Variants in PPP1R14C observed in about 807,000 individuals in gnomAD.
PPP1R14C encodes the protein protein phosphatase 1 regulatory subunit 14C.
In PPP1R14C, 16 loss-of-function variants were observed where a neutral mutation model predicts 20.4. The ratio of observed to expected loss-of-function variants is 0.78; its 90% CI spans 0.53 to 1.19. PPP1R14C has a LOEUF of 1.19. PPP1R14C is among the 50% of genes most tolerant of loss of function. The probability of loss-of-function intolerance (pLI) is 0.00; values close to 1 mark genes in which losing one functional copy is unlikely to be tolerated. For synonymous variants in PPP1R14C, 91 were observed against 91.0 expected, an observed-to-expected ratio of 1.00 and a Z score of 0.00; for missense variants, 211 against 220.1, an observed-to-expected ratio of 0.96 and a Z score of 0.26.
intron 1 of PPP1R14C, among the ~76,000 whole-genome samples, chr6:150,204,129 C>T (rs1777913129): frequency 1.3e-5 from 2 of 152,344 alleles, no homozygotes; most frequent in Non-Finnish European, 2.9e-5. Flanking sequence ...GGCCGCCTGG[C>T]CACTGTGTCC....
intron 3 of PPP1R14C, among the ~76,000 whole-genome samples, chr6:150,227,053 A>G (rs1778238532): frequency 6.6e-6 from 1 of 152,200 alleles, no homozygotes; most frequent in Admixed American, 6.5e-5. Context: ...AGCTTTGGTG[A>G]TGGCCATTGT....
rs115709880 is a variant in PPP1R14C at position 150,223,749 on chromosome 6, T to C, written c.423+6893T>C. Among the ~76,000 whole-genome samples the C allele has an allele frequency of 4.7e-3, 714 of 152,316 alleles. 3 individuals are homozygous for C. The highest frequency in any genetic ancestry group is 0.016 in the African/African-American group (664 of 41,580). On this transcript the variant is annotated intron_variant, in intron 3 of 3. Coordinates refer to ENST00000361131, the MANE Select transcript of PPP1R14C (RefSeq NM_030949.3). ...AGGGTTCTTTGAATATTTTGGATAA[T>C]AGGCCTTTATCAGACATGTTCTTTG...
At chr6:150,217,223 T>G (rs1439807829) in intron 3 of PPP1R14C, among the ~76,000 whole-genome samples, 3 of 146,464 alleles carry the variant, frequency 2.0e-5, no homozygotes, top group Admixed American at 7.1e-5. Flanking sequence ...TGAGACGGAG[T>G]CTCGCTCTGT....
chr6:150,150,178 T>G (rs140368839), intron 1 of PPP1R14C, among the ~76,000 whole-genome samples: 2 of 152,232 alleles, frequency 1.3e-5, no homozygotes, highest in Non-Finnish European at 2.9e-5. Flanking sequence ...AAAGTCAATC[T>G]GTGTTTTTGT....
At chr6:150,144,992 A>C (rs1196629322) in intron 1 of PPP1R14C, among the ~76,000 whole-genome samples, 1 of 151,808 alleles carries the variant, frequency 6.6e-6, no homozygotes, top group East Asian at 1.9e-4. Context: ...CATTTATTTC[A>C]TACTGTTTTT....
chr6:150,192,512 T>C lies in PPP1R14C; in HGVS notation c.307-22232T>C, dbSNP rs373176592. Among the ~76,000 whole-genome samples, 11 of 152,270 alleles carry C rather than the reference T, an allele frequency of 7.2e-5. 1 individual carries two copies. The highest frequency in any genetic ancestry group is 1.9e-4 in the East Asian group (1 of 5,186). On this transcript the variant is annotated intron_variant, in intron 1 of 3. Coordinates refer to ENST00000361131, the MANE Select transcript of PPP1R14C (RefSeq NM_030949.3). ...TCAGGCGGTAATGCTTTCTTGCCCATGTTCACCTCCTACTGTGTGGCCTGG... is the reference window on the plus strand; with the variant it reads ...TCAGGCGGTAATGCTTTCTTGCCCACGTTCACCTCCTACTGTGTGGCCTGG...
In PPP1R14C at chr6:150,232,071, T is replaced by C. The variant is rs781754534; in HGVS notation, c.423+15215T>C. On this transcript the variant is annotated intron_variant, in intron 3 of 3. Coordinates refer to ENST00000361131, the MANE Select transcript of PPP1R14C (RefSeq NM_030949.3). Reference sequence around the variant, plus strand: ...CCAACAGGATATAAGAATTCCCTATTGAACTCATGATTTCTACACCTGGTA... The same window carrying C: ...CCAACAGGATATAAGAATTCCCTATCGAACTCATGATTTCTACACCTGGTA... 2.0e-5 allele frequency among the ~76,000 whole-genome samples: 3 copies of C among 152,200 alleles called. No individual in the cohort carries two copies. The East Asian group carries it at 5.8e-4, about 29-fold the overall frequency.
intron 3 of PPP1R14C, among the ~76,000 whole-genome samples, chr6:150,228,542 T>C (rs6925507): frequency 0.023 from 3,536 of 152,298 alleles, 76 homozygotes; most frequent in Non-Finnish European, 0.039. Flanking sequence ...AACCTGAGCC[T>C]GGGAGTCCAG....
chr6:150,163,355 C>T (rs186757417), intron 1 of PPP1R14C, among the ~76,000 whole-genome samples: 1 of 152,332 alleles, frequency 6.6e-6, no homozygotes, highest in Admixed American at 6.5e-5. Flanking sequence ...CGCACCACTG[C>T]ACTCCAGCCT....
At chr6:150,198,793 A>G (rs531309091) in intron 1 of PPP1R14C, among the ~76,000 whole-genome samples, 1 of 152,320 alleles carries the variant, frequency 6.6e-6, no homozygotes, top group South Asian at 2.1e-4. Context: ...TGTAGCAGCC[A>G]TCTGCCTCGC....
intron 1 of PPP1R14C, among the ~76,000 whole-genome samples, chr6:150,154,799 A>T (rs60762445): frequency 6.6e-5 from 10 of 151,824 alleles, no homozygotes; most frequent in East Asian, 1.9e-4. Flanking sequence ...TTTTTTTTTT[A>T]AATCATCTTT....
chr6:150,203,675 A>T (rs1470620225), intron 1 of PPP1R14C, among the ~76,000 whole-genome samples: 1 of 149,336 alleles, frequency 6.7e-6, no homozygotes, highest in African/African-American at 2.4e-5. Context: ...TTGATAGTGC[A>T]GGGGAACCGT....
chr6:150,163,085 A>G (rs898153484), intron 1 of PPP1R14C, among the ~76,000 whole-genome samples: 2 of 152,092 alleles, frequency 1.3e-5, no homozygotes, highest in African/African-American at 4.8e-5. Context: ...GAATGAGAGT[A>G]TTTTCTTAAA....
chr6:150,160,422 A>G (rs1421878764), intron 1 of PPP1R14C, among the ~76,000 whole-genome samples: 12 of 126,994 alleles, frequency 9.4e-5, no homozygotes, highest in South Asian at 3.3e-4. Context: ...CGACCACCAC[A>G]CCCAGCTAAT....
chr6:150,218,284 T>C (rs1341222016), intron 3 of PPP1R14C, among the ~76,000 whole-genome samples: 14 of 152,004 alleles, frequency 9.2e-5, no homozygotes, highest in Admixed American at 9.2e-4. Context: ...GTGCCTGTAG[T>C]CCTAGCTACT....
intron 3 of PPP1R14C, among the ~76,000 whole-genome samples, chr6:150,241,980 A>G (rs1255849235): frequency 6.6e-6 from 1 of 152,170 alleles, no homozygotes. Flanking sequence ...GAAACCCCCC[A>G]CCCACATTTT....
chr6:150,211,106 C>G (rs78224451), intron 1 of PPP1R14C, among the ~76,000 whole-genome samples: 1 of 152,008 alleles, frequency 6.6e-6, no homozygotes, highest in Non-Finnish European at 1.5e-5. Flanking sequence ...CCCTGCCTGC[C>G]CCTGGCGGAG....
In PPP1R14C at chr6:150,201,908, G is replaced by A. The variant is rs1364866989; in HGVS notation, c.307-12836G>A. Among the ~76,000 whole-genome samples, 1 of 152,122 alleles carries A rather than the reference G, an allele frequency of 6.6e-6. No individual in the cohort carries two copies. Among genetic ancestry groups the A allele is most frequent in the African/African-American group, 2.4e-5 (1 of 41,410 alleles). On this transcript the variant is annotated intron_variant, in intron 1 of 3. Coordinates refer to ENST00000361131, the MANE Select transcript of PPP1R14C (RefSeq NM_030949.3). This position sits in a 1 kb window ranked among gnomAD's most constrained non-coding sequence, Gnocchi z 4.2. ...TCAGGAGTGAAGTATTCCATGAACC[G>A]TCACATTGCCTGCATAAACATGCAT...
At chr6:150,156,024 CAAAAAAAAA>C (rs67908012) in intron 1 of PPP1R14C, among the ~76,000 whole-genome samples, 148 of 38,426 alleles carry the variant, frequency 3.9e-3, no homozygotes, top group African/African-American at 0.013. Flanking sequence ...GACTCTGTCT[CAAAAAAAAA>C]AAAAAAAAAA....
Sources: gnomAD v4.1 joint callset for allele counts (sites outside exome capture counted in the v4.1 genomes callset) on GRCh38, gnomAD v4.1.1 for gene constraint, Gnocchi (gnomAD v3.1) non-coding constraint, MANE v1.5 for transcripts, NCBI Gene and HGNC (gene_info 2026-07-23, HGNC 2026-07-21) for gene names.